FGGY: variants seen among roughly 807,000 people sequenced by gnomAD.
FGGY encodes the protein FGGY carbohydrate kinase domain-containing protein.
In FGGY, 72 loss-of-function variants were observed where a neutral mutation model predicts 71.3. The ratio of observed to expected loss-of-function variants is 1.01; its 90% CI spans 0.84 to 1.23. The LOEUF is 1.23. Among genes scored for constraint, FGGY ranks in the 50% most tolerant of loss-of-function variants. The pLI, the probability that FGGY is intolerant of heterozygous loss-of-function variation, is 0.00. For missense variants in FGGY, 668 were observed against 682.3 expected (o/e 0.98, Z 0.23); for synonymous variants, 251 against 250.3 (o/e 1.00, Z -0.02).
chr1:59,620,220 T>TA (rs1316877283), intron 9 of FGGY, among the ~76,000 whole-genome samples: 2 of 152,000 alleles, frequency 1.3e-5, no homozygotes, highest in Non-Finnish European at 2.9e-5. Flanking sequence ...AAAAATAAAA[T>TA]AAAAAATTAG....
At chr1:59,560,842 G>T (rs2095780870) in intron 8 of FGGY, among the ~76,000 whole-genome samples, 1 of 152,154 alleles carries the variant, frequency 6.6e-6, no homozygotes, top group South Asian at 2.1e-4. Flanking sequence ...AGATGAGGAG[G>T]TTTTCCTATA....
intron 14 of FGGY, chr1:59,697,755 A>T: frequency 7.9e-7 from 1 of 1,268,868 alleles, no homozygotes; most frequent in South Asian, 1.3e-5. Flanking sequence ...GTGACACAAG[A>T]GGTAAACAGA....
At chr1:59,735,072 C>T (rs957210549) in intron 14 of FGGY, among the ~76,000 whole-genome samples, 1 of 152,158 alleles carries the variant, frequency 6.6e-6, no homozygotes, top group Non-Finnish European at 1.5e-5. Context: ...TTTCACTCTC[C>T]AAGGCACAAA....
rs1288174427 is a variant in FGGY at position 59,741,952 on chromosome 1, A to T, written c.1513-15979A>T. On this transcript the variant is annotated intron_variant, in intron 14 of 15. Coordinates refer to ENST00000303721, the MANE Select transcript of FGGY (RefSeq NM_018291.5). ...AGACTCCATCTCAAAAAAAAAAAAA[A>T]AAAAAGCCAGTCACCGTGGTGCATA... 2.0e-5 allele frequency among the ~76,000 whole-genome samples: 3 copies of T among 151,730 alleles called. No individual in the cohort carries two copies. The East Asian group carries it at 5.8e-4, about 29-fold the overall frequency.
At chr1:59,366,573 G>T (rs920922052) in intron 4 of FGGY, among the ~76,000 whole-genome samples, 1 of 151,948 alleles carries the variant, frequency 6.6e-6, no homozygotes, top group Non-Finnish European at 1.5e-5. Flanking sequence ...TCAAACCTTG[G>T]TATCAGGCTT....
At chr1:59,537,880 A>G (rs985036669) in intron 7 of FGGY, among the ~76,000 whole-genome samples, 4 of 152,232 alleles carry the variant, frequency 2.6e-5, no homozygotes, top group African/African-American at 9.6e-5. Context: ...GTTAGACCTA[A>G]AACCATAAAA....
chr1:59,305,273 T>C (rs1192216233), intron 1 of FGGY, among the ~76,000 whole-genome samples: 1 of 152,238 alleles, frequency 6.6e-6, no homozygotes, highest in Non-Finnish European at 1.5e-5. Context: ...TGAAAGTATG[T>C]TGAATTTTGT....
intron 4 of FGGY, among the ~76,000 whole-genome samples, chr1:59,369,999 C>T (rs1337437841): frequency 1.3e-5 from 2 of 152,164 alleles, no homozygotes; most frequent in African/African-American, 4.8e-5. Flanking sequence ...CTCTAAAAAG[C>T]AGAGCCCCTC....
intron 14 of FGGY, among the ~76,000 whole-genome samples, chr1:59,725,616 T>TTTTTTTG (rs1486740120): frequency 2.0e-5 from 3 of 151,734 alleles, no homozygotes; most frequent in East Asian, 1.9e-4. Context: ...TTGTGGGGGT[T>TTTTTTTG]TTTTTTGTTT....
chr1:59,372,253 A>G (rs1407275885), intron 4 of FGGY, among the ~76,000 whole-genome samples: 1 of 152,218 alleles, frequency 6.6e-6, no homozygotes, highest in Non-Finnish European at 1.5e-5. Context: ...CAGAAATACA[A>G]ACTACCATCA....
chr1:59,372,434 A>G (rs2057835555), intron 4 of FGGY, among the ~76,000 whole-genome samples: 1 of 152,280 alleles, frequency 6.6e-6, no homozygotes, highest in East Asian at 1.9e-4. Flanking sequence ...ACCAACCAAA[A>G]AGAGTCCAGG....
rs372393873 is a variant in FGGY at position 59,443,854 on chromosome 1, ATACACTAGGGTAGACC to A, written c.555-13105_555-13090del. ...GGCCTTGGTACCAATAACCTCATATATACACTAGGGTAGACCTTGCAGAGGAAGCTGGCACCAGGGC... is the reference window on the plus strand; with the variant it reads ...GGCCTTGGTACCAATAACCTCATATATTGCAGAGGAAGCTGGCACCAGGGC... On this transcript the variant is annotated intron_variant, in intron 5 of 15. Transcript: ENST00000303721. Among the ~76,000 whole-genome samples the A allele has an allele frequency of 7.6e-3, 1,162 of 152,298 alleles. 15 individuals carry two copies. The highest frequency in any genetic ancestry group is 0.027 in the African/African-American group (1,111 of 41,552).
At chr1:59,471,213 G>T (rs2092924423) in intron 6 of FGGY, among the ~76,000 whole-genome samples, 1 of 152,170 alleles carries the variant, frequency 6.6e-6, no homozygotes, top group Non-Finnish European at 1.5e-5. Context: ...CAGAGATCTG[G>T]TTGTTTGATA....
At chr1:59,476,236 C>T (rs1468214985) in intron 6 of FGGY, among the ~76,000 whole-genome samples, 1 of 152,210 alleles carries the variant, frequency 6.6e-6, no homozygotes, top group Admixed American at 6.5e-5. Context: ...TTCTGTTTCC[C>T]TGTTGTATTT....
chr1:59,530,928 G>A (rs1032476831), intron 7 of FGGY, among the ~76,000 whole-genome samples: 8 of 152,130 alleles, frequency 5.3e-5, no homozygotes, highest in Non-Finnish European at 1.2e-4. Flanking sequence ...ACCAGAAGAC[G>A]GGACTGTTGT....
chr1:59,571,149 T>C (rs1558390524), intron 8 of FGGY, among the ~76,000 whole-genome samples: 1 of 152,200 alleles, frequency 6.6e-6, no homozygotes, highest in Non-Finnish European at 1.5e-5. Context: ...ACATCTGTAA[T>C]CTCATTTGAT....
chr1:59,361,391 C>T lies in FGGY; in HGVS notation c.465+14993C>T, dbSNP rs189337328. ...TCTAGAAATACAGCCCAGTTAGGAT[C>T]GAGGGGCTCGGGGAGGTAATATGTA... On this transcript the variant is annotated intron_variant, in intron 4 of 15. Coordinates refer to ENST00000303721, the MANE Select transcript of FGGY (RefSeq NM_018291.5). 1.3e-3 allele frequency among the ~76,000 whole-genome samples: 193 copies of T among 152,044 alleles called. 1 individual carries two copies. Among genetic ancestry groups the T allele is most frequent in the African/African-American group, 4.3e-3 (179 of 41,484 alleles).
chr1:59,361,343 A>T (rs182309692), intron 4 of FGGY, among the ~76,000 whole-genome samples: 1 of 152,214 alleles, frequency 6.6e-6, no homozygotes, highest in Admixed American at 6.5e-5. Flanking sequence ...GTACAGCATT[A>T]GTGCAGTGGG....
At chr1:59,572,007 G>A (rs1383669636) in intron 8 of FGGY, among the ~76,000 whole-genome samples, 1 of 152,194 alleles carries the variant, frequency 6.6e-6, no homozygotes, top group Non-Finnish European at 1.5e-5. Context: ...TGGAATTGCA[G>A]GTTGTTGAGG....
Sources: gnomAD v4.1 joint callset for allele counts (sites outside exome capture counted in the v4.1 genomes callset) on GRCh38, gnomAD v4.1.1 for gene constraint, MANE v1.5 for transcripts, NCBI Gene and HGNC (gene_info 2026-07-23, HGNC 2026-07-21) for gene names.